The following LEMD3 variants were observed in gnomAD, a reference collection of about 807,000 sequenced individuals.
LEMD3 encodes LEM domain containing 3, also known as inner nuclear membrane protein Man1.
Under a neutral mutation model 95.2 loss-of-function variants are expected in LEMD3, and 33 were observed. The observed-to-expected ratio is 0.35, with a 90% confidence interval of 0.26 to 0.46. The LOEUF (loss-of-function observed/expected upper bound fraction) is 0.46. LEMD3 is among the 20% of genes least tolerant of loss of function. The pLI, the probability that LEMD3 is intolerant of heterozygous loss-of-function variation, is 1.00. For synonymous variants in LEMD3, 525 were observed against 474.6 expected, an observed-to-expected ratio of 1.11 and a Z score of -1.38; for missense variants, 1,210 against 1,192.8, an observed-to-expected ratio of 1.01 and a Z score of -0.21.
chr12:65,229,128 A>G (rs1870547244), intron 4 of LEMD3, among the ~76,000 whole-genome samples: 1 of 152,198 alleles, frequency 6.6e-6, no homozygotes. Flanking sequence ...TGTCTTCCAC[A>G]AGTGAGAATA....
At chr12:65,233,422 C>G (rs1870687171) in intron 4 of LEMD3, among the ~76,000 whole-genome samples, 1 of 152,178 alleles carries the variant, frequency 6.6e-6, no homozygotes, top group African/African-American at 2.4e-5. Context: ...GAGCCAGCAT[C>G]TGGTTCTGGG....
At chr12:65,235,211 A>G (rs1870739426) in intron 4 of LEMD3, among the ~76,000 whole-genome samples, 1 of 152,172 alleles carries the variant, frequency 6.6e-6, no homozygotes, top group Admixed American at 6.5e-5. Flanking sequence ...GACTAAATGC[A>G]ATAATGTTGT....
rs2136354786 is a variant in LEMD3 at position 65,240,134 on chromosome 12, A to G, written c.2024-2A>G. On this transcript the variant is annotated splice_acceptor_variant, in intron 7 of 12. Transcript: ENST00000308330. LOFTEE classifies it high-confidence loss of function. ...TCATTTGTAAATTTTATTTATTTTT[A>G]GATGTTTTACGAAGTCATAATGAAG... 6.2e-7 allele frequency: 1 copy of G among 1,608,158 alleles called. No homozygotes were observed. Among genetic ancestry groups the G allele is most frequent in the Non-Finnish European group, 8.5e-7 (1 of 1,174,716 alleles).
At chr12:65,201,065 C>T (rs1247009087) in intron 1 of LEMD3, among the ~76,000 whole-genome samples, 1 of 152,016 alleles carries the variant, frequency 6.6e-6, no homozygotes, top group Non-Finnish European at 1.5e-5. Context: ...TATCTTTGCT[C>T]CATTATATTG....
intron 4 of LEMD3, among the ~76,000 whole-genome samples, chr12:65,235,136 T>C (rs1403679070): frequency 6.6e-6 from 1 of 152,150 alleles, no homozygotes; most frequent in African/African-American, 2.4e-5. Context: ...ATCTGTGTCT[T>C]TGAAGAACTA....
At chr12:65,223,735 C>T (rs1435954622) in intron 4 of LEMD3, among the ~76,000 whole-genome samples, 2 of 151,154 alleles carry the variant, frequency 1.3e-5, no homozygotes, top group Non-Finnish European at 2.9e-5. Context: ...AAAGTAATTA[C>T]TAATAGGAAA....
chr12:65,171,300 T>C (rs1028230581), intron 1 of LEMD3, 182 bp downstream of exon 1: 19 of 1,098,068 alleles, frequency 1.7e-5, no homozygotes, highest in Non-Finnish European at 2.4e-5. Context: ...TGATGTCATA[T>C]GGCTGGTTTT....
At chr12:65,205,346 T>C (rs891859520) in intron 1 of LEMD3, among the ~76,000 whole-genome samples, 5 of 152,142 alleles carry the variant, frequency 3.3e-5, no homozygotes, top group African/African-American at 9.7e-5. Flanking sequence ...GGTGAGCAAG[T>C]GTGAGACTTT....
At chr12:65,198,680 C>T (rs1375736704) in intron 1 of LEMD3, among the ~76,000 whole-genome samples, 1 of 152,062 alleles carries the variant, frequency 6.6e-6, no homozygotes, top group South Asian at 2.1e-4. Flanking sequence ...GTAGAATTTG[C>T]ATATAACCCA....
chr12:65,171,371 C>G (rs536179389), intron 1 of LEMD3: 9 of 510,080 alleles, frequency 1.8e-5, no homozygotes, highest in Non-Finnish European at 3.1e-5. Flanking sequence ...ATATTATAAG[C>G]TTGTTAGTAA....
chr12:65,182,065 A>G (rs1456074606), intron 1 of LEMD3, among the ~76,000 whole-genome samples: 1 of 152,146 alleles, frequency 6.6e-6, no homozygotes, highest in African/African-American at 2.4e-5. Context: ...GGAAAGATAG[A>G]GGGAATAAGG....
chr12:65,234,970 C>T (rs181225198), intron 4 of LEMD3, among the ~76,000 whole-genome samples: 149 of 152,246 alleles, frequency 9.8e-4, no homozygotes, highest in African/African-American at 3.5e-3. Context: ...CTAGATTATA[C>T]TTGTCCAGTA....
rs1870098486 is a variant in LEMD3, at chr12:65,215,992, C to G, written c.1576C>G (p.Leu526Val). The stretch of plus-strand genomic sequence containing the variant: ...TTAATTTTAGGAAAGTGAAAAAACT[C>G]TTATGATGAACACATTATATAAGCT... ...FGKIQESEKTLMMNTLYKLHD... is the reference protein window; with the variant it reads ...FGKIQESEKTVMMNTLYKLHD... Residue 526 changes from leucine to valine, a missense_variant, in exon 3 of 13, where the codon CTT becomes GTT. By Grantham distance (32) the Leu-to-Val change is conservative. Coordinates refer to ENST00000308330, the MANE Select transcript of LEMD3 (RefSeq NM_014319.5). 1.3e-6 allele frequency: 2 copies of G among 1,549,526 alleles called. No individual in the cohort carries two copies. The highest frequency in any genetic ancestry group is 1.8e-6 in the Non-Finnish European group (2 of 1,135,614).
At chr12:65,235,649 A>G (rs1323952173) in intron 4 of LEMD3, among the ~76,000 whole-genome samples, 3 of 152,218 alleles carry the variant, frequency 2.0e-5, no homozygotes, top group Non-Finnish European at 4.4e-5. Flanking sequence ...TGCATAGGTT[A>G]TATGCAAATA....
At chr12:65,227,244 ACTTC>A (rs1870477679) in intron 4 of LEMD3, among the ~76,000 whole-genome samples, 4 of 152,218 alleles carry the variant, frequency 2.6e-5, no homozygotes, top group Non-Finnish European at 5.9e-5. Context: ...ATGGGTTTTC[ACTTC>A]TAGTAGTAGG....
chr12:65,238,468 A>T, intron 4 of LEMD3, 34 bp from the exon 5 acceptor site: 1 of 1,334,328 alleles, frequency 7.5e-7, no homozygotes. Flanking sequence ...AATGTAGATT[A>T]AGAATAGTTA....
chr12:65,228,969 G>C (rs1165852474), intron 4 of LEMD3, among the ~76,000 whole-genome samples: 1 of 152,004 alleles, frequency 6.6e-6, no homozygotes, highest in Non-Finnish European at 1.5e-5. Context: ...CCAACCTCTG[G>C]CTACAGACCC....
Position 65,211,038 on chromosome 12 carries a change from TAAAA to T in LEMD3, c.1560+80_1560+83del. 3.8e-6 allele frequency: 4 copies of T among 1,057,708 alleles called. No individual in the cohort carries two copies. The South Asian group carries it at 4.0e-5, about 11-fold the overall frequency. The allele number at this position is 1,057,708 out of a possible 1,614,324, so 65.5% of individuals were successfully genotyped here. Reference sequence around the variant, plus strand: ...TAAAAGCATGAGAATGACTATCAACTAAAAAAAAGTAATTTTAAAGTTATTTTAG... The same window carrying T: ...TAAAAGCATGAGAATGACTATCAACTAAAAGTAATTTTAAAGTTATTTTAG... On this transcript the variant is annotated intron_variant, in intron 2 of 12. Transcript: ENST00000308330.
intron 2 of LEMD3, among the ~76,000 whole-genome samples, chr12:65,214,402 T>A (rs1030945030): frequency 2.6e-5 from 4 of 151,988 alleles, no homozygotes; most frequent in Admixed American, 1.3e-4. Context: ...GAGGCAAAAA[T>A]ATATATATAT....
Sources: gnomAD v4.1 joint callset for allele counts (sites outside exome capture counted in the v4.1 genomes callset) on GRCh38, gnomAD v4.1.1 for gene constraint, MANE v1.5 for transcripts, NCBI Gene and HGNC (gene_info 2026-07-23, HGNC 2026-07-21) for gene names.